The following CNKSR3 variants were observed in gnomAD, a reference collection of about 807,000 sequenced individuals.
CNKSR3 encodes the protein connector enhancer of kinase suppressor of ras 3.
Under a neutral mutation model 67.7 loss-of-function variants are expected in CNKSR3, and 36 were observed. The ratio of observed to expected loss-of-function variants is 0.53; its 90% CI spans 0.41 to 0.70. The LOEUF is 0.70. Among genes scored for constraint, CNKSR3 ranks in the 30% least tolerant of loss-of-function variants. The pLI, the probability that CNKSR3 is intolerant of heterozygous loss-of-function variation, is 0.00. For missense variants in CNKSR3, 630 were observed against 695.2 expected (o/e 0.91, Z 1.05); for synonymous variants, 281 against 271.4 (o/e 1.04, Z -0.35).
chr6:154,465,950 G>C (rs574439923), intron 1 of CNKSR3, among the ~76,000 whole-genome samples: 1 of 152,346 alleles, frequency 6.6e-6, no homozygotes, highest in East Asian at 1.9e-4. Flanking sequence ...ATGTTTGAAT[G>C]TATCTCTAGA....
chr6:154,454,449 G>A (rs1253153927), intron 1 of CNKSR3, among the ~76,000 whole-genome samples: 4 of 152,118 alleles, frequency 2.6e-5, no homozygotes, highest in African/African-American at 9.7e-5. Context: ...CACTTTGGGA[G>A]GCCAAGGCAA....
rs535411725 is a variant in CNKSR3, at chr6:154,398,318, T to C, written c.*8036A>G. On this transcript the variant is annotated 3_prime_UTR_variant, in exon 13 of 13. Coordinates refer to ENST00000607772, the MANE Select transcript of CNKSR3 (RefSeq NM_173515.4). ...ACATCTGTGTGTGTGCCCAAATGGA[T>C]GAAATTTATGCACAACCAATAAGCC... is the stretch of plus-strand genomic sequence containing the variant. The C allele has an allele frequency of 2.0e-5, 3 of 152,224 alleles. No individual in the cohort carries two copies. Among genetic ancestry groups the C allele is most frequent in the East Asian group, 1.9e-4 (1 of 5,198 alleles). 9.4% of individuals were successfully genotyped at this position (152,224 alleles called of 1,614,324 possible).
chr6:154,414,813 C>T (rs1417825409), intron 9 of CNKSR3: 2 of 480,724 alleles, frequency 4.2e-6, no homozygotes, highest in African/African-American at 3.9e-5. Flanking sequence ...ACTAGCAAGG[C>T]TGGGCACGGC....
chr6:154,439,903 C>T (rs1017085670), intron 4 of CNKSR3, among the ~76,000 whole-genome samples: 2 of 152,066 alleles, frequency 1.3e-5, no homozygotes, highest in Middle Eastern at 3.4e-3. Flanking sequence ...AAAAATAAAA[C>T]AAAATCAAAA....
At position 154,401,216 on chromosome 6, in the gene CNKSR3, A is replaced by C. The variant is rs1784714565; in HGVS notation, c.*5138T>G. 2 of 152,212 alleles carry C rather than the reference A, an allele frequency of 1.3e-5. No individual in the cohort carries two copies. The highest frequency in any genetic ancestry group is 2.9e-5 in the Non-Finnish European group (2 of 68,032). The allele number at this position is 152,212 out of a possible 1,614,324, so 9.4% of individuals were successfully genotyped here. A position where few individuals can be genotyped will look rare whatever the true frequency, so the allele number is the denominator to read the frequency against. ...CCAAAATTCATCTGTTGAAACCCTA[A>C]TCTCCAAAGCAATGGTATTAGGAGG... On this transcript the variant is annotated 3_prime_UTR_variant, in exon 13 of 13. Coordinates refer to ENST00000607772, the MANE Select transcript of CNKSR3 (RefSeq NM_173515.4).
intron 12 of CNKSR3, among the ~76,000 whole-genome samples, chr6:154,407,197 T>C (rs1784813946): frequency 6.6e-6 from 1 of 152,142 alleles, no homozygotes; most frequent in South Asian, 2.1e-4. Context: ...ACGGGTCTCC[T>C]TTAGTGGGTG....
rs147978731 is a variant in CNKSR3, at chr6:154,433,130, T to C, written c.549+336A>G. Among the ~76,000 whole-genome samples, 288 of 152,266 alleles carry C rather than the reference T, an allele frequency of 1.9e-3. 1 individual carries two copies. Among genetic ancestry groups the C allele is most frequent in the Admixed American group, 3.1e-3 (48 of 15,290 alleles). On this transcript the variant is annotated intron_variant, in intron 5 of 12. Transcript: ENST00000607772. ...TTTTGCCAAGAATTTTTTTCTTAAA[T>C]CAAAATGGTCCTAAAGTGAAATTTG...
intron 1 of CNKSR3, among the ~76,000 whole-genome samples, chr6:154,456,070 A>G (rs1365984148): frequency 6.6e-6 from 1 of 152,188 alleles, no homozygotes; most frequent in African/African-American, 2.4e-5. Flanking sequence ...GTAAAAGAGT[A>G]AAATCAGATG....
Position 154,406,538 on chromosome 6 carries a change from C to G in CNKSR3, c.1484G>C (p.Arg495Pro). The G allele has an allele frequency of 6.2e-7, 1 of 1,614,208 alleles. No individual in the cohort carries two copies. Among genetic ancestry groups the G allele is most frequent in the South Asian group, 1.1e-5 (1 of 91,086 alleles). ...SRPTTERHLV[R>P]GADYIRGSRC... ...GCTTCCTCGGATGTAGTCCGCACCC[C>G]GGACCAGATGCCGCTCGGTCGTGGG... Residue 495 changes from arginine to proline, a missense_variant, in exon 13 of 13, where the codon CGG becomes CCG. Around this residue, in one of 3 missense-constraint regions of CNKSR3, gnomAD observed 308 missense variants for 299.6 expected, o/e 1.03. Coordinates refer to ENST00000607772, the MANE Select transcript of CNKSR3 (RefSeq NM_173515.4).
At chr6:154,448,434 C>CAAAAAAAAA (rs56872694) in intron 2 of CNKSR3, among the ~76,000 whole-genome samples, 1 of 121,764 alleles carries the variant, frequency 8.2e-6, no homozygotes, top group Non-Finnish European at 1.7e-5. Context: ...CACGTTTGTA[C>CAAAAAAAAA]AAAAAAAAAA....
intron 4 of CNKSR3, among the ~76,000 whole-genome samples, chr6:154,435,159 C>T (rs1446418422): frequency 6.6e-6 from 1 of 152,076 alleles, no homozygotes; most frequent in Non-Finnish European, 1.5e-5. Context: ...CCACACCTGG[C>T]TAATTTTTGT....
At chr6:154,489,726 T>C (rs1786749318) in intron 1 of CNKSR3, among the ~76,000 whole-genome samples, 1 of 152,188 alleles carries the variant, frequency 6.6e-6, no homozygotes, top group African/African-American at 2.4e-5. Flanking sequence ...AACCCTCAGA[T>C]GATTGATATT....
rs569464070 is a variant in CNKSR3, at chr6:154,418,060, C to T, written c.946-3637G>A. Among the ~76,000 whole-genome samples the T allele has an allele frequency of 3.9e-5, 6 of 152,276 alleles. No individual in the cohort carries two copies. The East Asian group carries it at 1.2e-3, about 29-fold the overall frequency. The stretch of plus-strand genomic sequence containing the variant: ...AGAAGCTCTGGAGCCCATCTAGAGT[C>T]TCACTACCGCCACTACCACCCCCCG... On this transcript the variant is annotated intron_variant, in intron 9 of 12. Transcript: ENST00000607772.
rs530707092 is a variant in CNKSR3 at position 154,402,278 on chromosome 6, A to G, written c.*4076T>C. On this transcript the variant is annotated 3_prime_UTR_variant, in exon 13 of 13. Coordinates refer to ENST00000607772, the MANE Select transcript of CNKSR3 (RefSeq NM_173515.4). ...CCTGCAGCTTACAGCCCTCACAACA[A>G]AGAGCTGACTCATCAACACAACTTT... 1 of 152,238 alleles carries G rather than the reference A, an allele frequency of 6.6e-6. No homozygotes were observed. The highest frequency in any genetic ancestry group is 6.5e-5 in the Admixed American group (1 of 15,282). The allele number at this position is 152,238 out of a possible 1,614,324, so 9.4% of individuals were successfully genotyped here. A position where few individuals can be genotyped will look rare whatever the true frequency, so the allele number is the denominator to read the frequency against.
intron 2 of CNKSR3, among the ~76,000 whole-genome samples, chr6:154,443,124 G>A (rs1785637214): frequency 6.6e-6 from 1 of 151,928 alleles, no homozygotes; most frequent in African/African-American, 2.4e-5. Context: ...TCTCGAACTT[G>A]TGAGCTCAGG....
At position 154,395,208 on chromosome 6, in the gene CNKSR3, G is replaced by A. The variant is rs1359621083; in HGVS notation, c.*11146C>T. On this transcript the variant is annotated 3_prime_UTR_variant, in exon 13 of 13. Coordinates refer to ENST00000607772, the MANE Select transcript of CNKSR3 (RefSeq NM_173515.4). ...ATCAAGTATTTTCCATTGCCAAGAAGAGAATTCAATCCCATTTCCCATGTA... is the reference window on the plus strand; with the variant it reads ...ATCAAGTATTTTCCATTGCCAAGAAAAGAATTCAATCCCATTTCCCATGTA... 6.6e-6 allele frequency: 1 copy of A among 152,200 alleles called. No individual in the cohort carries two copies. Among genetic ancestry groups the A allele is most frequent in the Non-Finnish European group, 1.5e-5 (1 of 68,044 alleles). 9.4% of individuals were successfully genotyped at this position (152,200 alleles called of 1,614,324 possible). A position where few individuals can be genotyped will look rare whatever the true frequency, so the allele number is the denominator to read the frequency against.
chr6:154,486,843 A>C (rs138553680), intron 1 of CNKSR3, among the ~76,000 whole-genome samples: 315 of 151,990 alleles, frequency 2.1e-3, no homozygotes, highest in Non-Finnish European at 3.2e-3. Context: ...TTACTTTTTT[A>C]AGTTAAAATA....
intron 9 of CNKSR3, among the ~76,000 whole-genome samples, chr6:154,417,492 G>A (rs995938468): frequency 1.2e-4 from 19 of 152,074 alleles, no homozygotes; most frequent in African/African-American, 3.1e-4. Context: ...GGACCACATC[G>A]CCCTGTAGCT....
In CNKSR3 at chr6:154,441,282, T is replaced by C; in HGVS notation, c.507+10A>G. 2 of 1,097,020 alleles carry C rather than the reference T, an allele frequency of 1.8e-6. No individual in the cohort carries two copies. Among genetic ancestry groups the C allele is most frequent in the Non-Finnish European group, 2.7e-6 (2 of 750,762 alleles). The allele number at this position is 1,097,020 out of a possible 1,614,324, so 68.0% of individuals were successfully genotyped here. On this transcript the variant is annotated intron_variant, in intron 4 of 12. Coordinates refer to ENST00000607772, the MANE Select transcript of CNKSR3 (RefSeq NM_173515.4). ...AAAAAAAAAGAAAGTGAAAATGACA[T>C]ACTACTGACCTTCTGGACTGTAGTG...
Sources: allele counts gnomAD v4.1 joint callset (sites outside exome capture counted in the v4.1 genomes callset), GRCh38; gene constraint gnomAD v4.1.1; regional missense constraint gnomAD v4.1.1; transcripts MANE v1.5; gene names NCBI Gene and HGNC (gene_info 2026-07-23, HGNC 2026-07-21).